Variants in INPP5F observed in about 807,000 individuals in gnomAD.
INPP5F encodes the protein phosphatidylinositide 4-phosphatase SAC2.
A neutral mutation model predicts 137.2 loss-of-function variants in INPP5F; 97 were observed. That is an observed-to-expected ratio of 0.71 (90% CI 0.60 to 0.84). The LOEUF (loss-of-function observed/expected upper bound fraction) is 0.84, where lower values mean the gene tolerates loss of function less well. Among genes scored for constraint, INPP5F ranks in the 40% least tolerant of loss-of-function variants. INPP5F has a pLI of 0.00. For synonymous variants in INPP5F, 504 were observed against 476.9 expected, an observed-to-expected ratio of 1.06 and a Z score of -0.74; for missense variants, 1,271 against 1,371.9, an observed-to-expected ratio of 0.93 and a Z score of 1.16.
chr10:119,754,604 T>G (rs1265470796), intron 2 of INPP5F, among the ~76,000 whole-genome samples: 1 of 152,180 alleles, frequency 6.6e-6, no homozygotes, highest in Non-Finnish European at 1.5e-5. Flanking sequence ...TTTTTTTTCC[T>G]TCTTCTTGTC....
In INPP5F at chr10:119,810,197, C is replaced by A; in HGVS notation, c.1667C>A (p.Ala556Asp). Residue 556 changes from alanine to aspartate, a missense_variant, in exon 14 of 20, where the codon GCT becomes GAT. Around this residue, in one of 6 missense-constraint regions of INPP5F, gnomAD observed 593 missense variants for 712.4 expected, o/e 0.83. Coordinates refer to ENST00000650623, the MANE Select transcript of INPP5F (RefSeq NM_014937.4). ...TATTACCTCAACCGATTTAAGGATG[C>A]TTATAGGCAAGCTGTTATAGGTAAG... Reference protein sequence around the residue: ...NRYYLNRFKDAYRQAVIDLMQ... With the variant: ...NRYYLNRFKDDYRQAVIDLMQ... 6.2e-7 allele frequency: 1 copy of A among 1,601,996 alleles called. No individual in the cohort carries two copies. The highest frequency in any genetic ancestry group is 8.6e-7 in the Non-Finnish European group (1 of 1,169,382).
Position 119,823,801 on chromosome 10 carries a change from T to C in INPP5F, c.2162-14T>C, listed in dbSNP as rs775743734. The C allele has an allele frequency of 2.2e-5, 36 of 1,606,898 alleles. No individual in the cohort carries two copies. Among genetic ancestry groups the C allele is most frequent in the Middle Eastern group, 1.7e-4 (1 of 6,046 alleles). ...TTATGGAGAAATTGGCAGGCAGTTA[T>C]ATTTGGGTTGCAGATACCCTTCAGT... On this transcript the variant is annotated splice_polypyrimidine_tract_variant and intron_variant, in intron 18 of 19. Coordinates refer to ENST00000650623, the MANE Select transcript of INPP5F (RefSeq NM_014937.4).
chr10:119,730,212 C>T lies in INPP5F; in HGVS notation c.97+3853C>T, dbSNP rs188282313. ...GCAACCTCCACCTCCCGGGTTCAAG[C>T]GATTCTCCTGCCTCAGCCTCCTGAG... On this transcript the variant is annotated intron_variant, in intron 1 of 19. Transcript: ENST00000650623. 2.1e-3 allele frequency among the ~76,000 whole-genome samples: 321 copies of T among 152,178 alleles called. 3 individuals carry two copies. Among genetic ancestry groups the T allele is most frequent in the African/African-American group, 7.4e-3 (305 of 41,492 alleles).
At chr10:119,811,404 C>G (rs988704727) in intron 14 of INPP5F, among the ~76,000 whole-genome samples, 5 of 152,162 alleles carry the variant, frequency 3.3e-5, no homozygotes, top group African/African-American at 1.2e-4. Context: ...CTTGTCTGTT[C>G]AGATCTTTGC....
intron 16 of INPP5F, among the ~76,000 whole-genome samples, chr10:119,821,325 TTTATG>T (rs1851550532): frequency 6.9e-6 from 1 of 144,662 alleles, no homozygotes; most frequent in Admixed American, 7.0e-5. Context: ...TGCAGTTGTC[TTTATG>T]CAATAACGTG....
chr10:119,764,904 CT>C (rs974810312), intron 2 of INPP5F, among the ~76,000 whole-genome samples: 1 of 150,516 alleles, frequency 6.6e-6, no homozygotes, highest in African/African-American at 2.4e-5. Flanking sequence ...ATAACATTTT[CT>C]TTTCTCTAGC....
chr10:119,815,606 G>A, intron 15 of INPP5F: 1 of 275,010 alleles, frequency 3.6e-6, no homozygotes, highest in Non-Finnish European at 7.4e-6. Flanking sequence ...GGTTCTGTCT[G>A]TTGGCTCTTC....
intron 2 of INPP5F, among the ~76,000 whole-genome samples, chr10:119,769,521 G>T (rs1849274328): frequency 1.3e-5 from 2 of 152,164 alleles, no homozygotes; most frequent in African/African-American, 4.8e-5. Flanking sequence ...GTGTGAGGGT[G>T]TTTCCAGAAG....
chr10:119,753,214 G>A (rs1467048569), intron 2 of INPP5F, among the ~76,000 whole-genome samples: 4 of 152,092 alleles, frequency 2.6e-5, no homozygotes, highest in Non-Finnish European at 4.4e-5. Context: ...TAAATGACAC[G>A]TATGAAACTT....
At chr10:119,786,534 A>G (rs1053816347) in intron 3 of INPP5F, among the ~76,000 whole-genome samples, 1 of 152,204 alleles carries the variant, frequency 6.6e-6, no homozygotes, top group African/African-American at 2.4e-5. Flanking sequence ...CTCACTGGAA[A>G]TGTTTGCATT....
In INPP5F at chr10:119,820,865, A is replaced by G; in HGVS notation, c.1906A>G (p.Arg636Gly). ...GTTTAGCCTCATTGATGCTACTCAC[A>G]GAGACGTGGATGTGCTGTTACTGCT... ...CDPSLIDATH[R>G]DVDVLLLLSN... Residue 636 changes from arginine to glycine, a missense_variant, in exon 16 of 20, where the codon AGA (arginine) becomes GGA (glycine). Around this residue, in one of 6 missense-constraint regions of INPP5F, gnomAD observed 593 missense variants for 712.4 expected, o/e 0.83. Transcript: ENST00000650623. The G allele has an allele frequency of 2.5e-6, 4 of 1,611,194 alleles. No homozygotes were observed. The highest frequency in any genetic ancestry group is 2.5e-6 in the Non-Finnish European group (3 of 1,177,284).
intron 1 of INPP5F, among the ~76,000 whole-genome samples, chr10:119,730,276 G>GT (rs1412236110): frequency 7.9e-5 from 12 of 152,148 alleles, no homozygotes; most frequent in African/African-American, 2.6e-4. Context: ...CGCCTGGCAA[G>GT]TTTTTGTATT....
chr10:119,761,080 A>G (rs966381837), intron 2 of INPP5F, among the ~76,000 whole-genome samples: 3 of 152,074 alleles, frequency 2.0e-5, no homozygotes, highest in Non-Finnish European at 4.4e-5. Context: ...AAGAGTTTAT[A>G]TTTTTTTAGA....
intron 2 of INPP5F, among the ~76,000 whole-genome samples, chr10:119,763,353 G>A (rs1305391850): frequency 6.6e-6 from 1 of 152,204 alleles, no homozygotes; most frequent in African/African-American, 2.4e-5. Context: ...ACGGCATCTG[G>A]CAGAGACCAT....
chr10:119,746,011 A>C lies in INPP5F; in HGVS notation c.98-5065A>C, dbSNP rs139780966. Among the ~76,000 whole-genome samples the C allele has an allele frequency of 8.5e-5, 13 of 152,072 alleles. No individual in the cohort carries two copies. In the East Asian group the frequency reaches 2.5e-3, roughly 29 times the overall value. ...GCCACCGTGCCCGACCAGGCTCATTACTGTTTATTCAAGTTTTTCCACAGT... is the reference window on the plus strand; with the variant it reads ...GCCACCGTGCCCGACCAGGCTCATTCCTGTTTATTCAAGTTTTTCCACAGT... On this transcript the variant is annotated intron_variant, in intron 1 of 19. Coordinates refer to ENST00000650623, the MANE Select transcript of INPP5F (RefSeq NM_014937.4).
chr10:119,792,032 A>G lies in INPP5F; in HGVS notation c.608A>G (p.Gln203Arg), dbSNP rs759190254. ...TGERDGRPLW[Q>R]KVDDRFFWNK... ...GAGAGGGACGGTCGGCCCCTCTGGCAGAAGGTACCACTCACAGCTCGTAGA... is the reference window on the plus strand; with the variant it reads ...GAGAGGGACGGTCGGCCCCTCTGGCGGAAGGTACCACTCACAGCTCGTAGA... The change falls in exon 5 of 20, where the codon CAG (glutamine) becomes CGG (arginine). Residue 203 changes from glutamine (Q) to arginine (R), a missense_variant. Around this residue, in one of 6 missense-constraint regions of INPP5F, gnomAD observed 593 missense variants for 712.4 expected, o/e 0.83. Coordinates refer to ENST00000650623, the MANE Select transcript of INPP5F (RefSeq NM_014937.4). 6.2e-7 allele frequency: 1 copy of G among 1,614,238 alleles called. No individual in the cohort carries two copies. Among genetic ancestry groups the G allele is most frequent in the South Asian group, 1.1e-5 (1 of 91,088 alleles).
intron 1 of INPP5F, among the ~76,000 whole-genome samples, chr10:119,746,916 G>A (rs1364807813): frequency 1.3e-5 from 2 of 152,012 alleles, no homozygotes; most frequent in African/African-American, 2.4e-5. Context: ...AGCCTCCCAA[G>A]TAGCTGGGAT....
rs535442708 is a variant in INPP5F at position 119,809,014 on chromosome 10, A to T, written c.1569+954A>T. ...TGAGGCGGGTGGATCACCTGAGGTCAGGCATTCAAGACCAGCCTGGCCAAC... is the reference window on the plus strand; with the variant it reads ...TGAGGCGGGTGGATCACCTGAGGTCTGGCATTCAAGACCAGCCTGGCCAAC... On this transcript the variant is annotated intron_variant, in intron 13 of 19. Coordinates refer to ENST00000650623, the MANE Select transcript of INPP5F (RefSeq NM_014937.4). Among the ~76,000 whole-genome samples the T allele has an allele frequency of 5.6e-4, 86 of 152,324 alleles. 2 individuals are homozygous for T. Among genetic ancestry groups the T allele is most frequent in the Admixed American group, 3.5e-3 (54 of 15,302 alleles).
chr10:119,770,274 T>G (rs1375755896), intron 2 of INPP5F, among the ~76,000 whole-genome samples: 2 of 152,202 alleles, frequency 1.3e-5, no homozygotes, highest in African/African-American at 4.8e-5. Flanking sequence ...CCTTGCTAGA[T>G]TCTATTTTTT....
Sources: allele counts gnomAD v4.1 joint callset (sites outside exome capture counted in the v4.1 genomes callset), GRCh38; gene constraint gnomAD v4.1.1; regional missense constraint gnomAD v4.1.1; transcripts MANE v1.5; gene names NCBI Gene and HGNC (gene_info 2026-07-23, HGNC 2026-07-21).